IFT88: variants seen among roughly 807,000 people sequenced by gnomAD.
The protein encoded by IFT88 is intraflagellar transport 88.
In IFT88, 74 loss-of-function variants were observed where a neutral mutation model predicts 119.5. The ratio of observed to expected loss-of-function variants is 0.62; its 90% CI spans 0.51 to 0.75. IFT88 has a LOEUF of 0.75. Ranked by LOEUF, IFT88 falls within the 30% of genes least tolerant of loss-of-function variation. The pLI is 0.00. For synonymous variants in IFT88, 279 were observed against 316.7 expected (o/e 0.88, Z 1.26); for missense variants, 961 against 977.7 (o/e 0.98, Z 0.23).
intron 15 of IFT88, 129 bp from the exon 16 acceptor site, chr13:20,630,887 A>G: frequency 3.9e-6 from 2 of 518,114 alleles, no homozygotes; most frequent in Non-Finnish European, 7.0e-6. Flanking sequence ...GTTTTCTTGA[A>G]CATCTTAATC....
At position 20,643,565 on chromosome 13, in the gene IFT88, G is replaced by A. The variant is rs188470141; in HGVS notation, c.1793G>A (p.Arg598His). The A allele has an allele frequency of 1.2e-3, 1,919 of 1,608,470 alleles. 29 individuals are homozygous for A. The South Asian group carries it at 0.018, about 15-fold the overall frequency. ...VLSKLGELYD[R>H]EGDKSQAFQY... ...TCTAAGCTAGGAGAATTATATGATC[G>A]TGAAGGAGATAAATCTCAAGCATTT... Residue 598 changes from arginine (R) to histidine (H), a missense_variant, in exon 19 of 26, where the codon CGT becomes CAT. Transcript: ENST00000351808.
intron 20 of IFT88, among the ~76,000 whole-genome samples, chr13:20,646,121 A>ACAGT (rs2050713173): frequency 6.6e-6 from 1 of 152,086 alleles, no homozygotes; most frequent in Non-Finnish European, 1.5e-5. Context: ...ATGTTGATTA[A>ACAGT]CAGTCAGTCC....
intron 2 of IFT88, among the ~76,000 whole-genome samples, chr13:20,574,702 A>G (rs946311350): frequency 1.3e-5 from 2 of 152,234 alleles, no homozygotes; most frequent in Non-Finnish European, 2.9e-5. Flanking sequence ...GGTGAATTAT[A>G]TATACTTGTA....
rs866499171 is a variant in IFT88, at chr13:20,597,647, A to G, written c.594+528A>G. Among the ~76,000 whole-genome samples, 668 of 151,790 alleles carry G rather than the reference A, an allele frequency of 4.4e-3. 6 individuals carry two copies. Among genetic ancestry groups the G allele is most frequent in the African/African-American group, 8.5e-3 (353 of 41,448 alleles). ...TAGTCCCAGCTACTTGGGAGGCTGG[A>G]GCAGGAGAATGGCGTGAACCCGGGA... On this transcript the variant is annotated intron_variant, in intron 9 of 25. Transcript: ENST00000351808.
At chr13:20,662,736 T>C (rs2054021877) in intron 22 of IFT88, among the ~76,000 whole-genome samples, 1 of 146,764 alleles carries the variant, frequency 6.8e-6, no homozygotes, top group Admixed American at 6.7e-5. Context: ...AAAGACAAAA[T>C]TATTGTGTTT....
chr13:20,610,580 GA>G (rs202084557), intron 13 of IFT88, among the ~76,000 whole-genome samples: 292 of 135,696 alleles, frequency 2.2e-3, no homozygotes, highest in African/African-American at 3.3e-3. Flanking sequence ...GATGTTACTG[GA>G]AAAAAAAAAA....
chr13:20,578,838 C>A (rs568748047), intron 2 of IFT88, among the ~76,000 whole-genome samples: 1 of 152,166 alleles, frequency 6.6e-6, no homozygotes, highest in South Asian at 2.1e-4. Flanking sequence ...TGTGAGCCAC[C>A]GCATCCAGCC....
At chr13:20,630,440 T>C (rs948643818) in intron 15 of IFT88, among the ~76,000 whole-genome samples, 38 of 152,216 alleles carry the variant, frequency 2.5e-4, no homozygotes, top group Non-Finnish European at 1.5e-5. Flanking sequence ...CTAAGAATTA[T>C]TTTGTAAAGA....
intron 7 of IFT88, 91 bp downstream of exon 7, chr13:20,592,495 T>TC: frequency 3.9e-6 from 3 of 778,766 alleles, no homozygotes; most frequent in Non-Finnish European, 6.3e-6. Context: ...TTTGAGATGA[T>TC]ATCTCACTCT....
intron 13 of IFT88, chr13:20,614,409 T>C (rs538178979): frequency 6.6e-6 from 1 of 152,196 alleles, no homozygotes; most frequent in African/African-American, 2.4e-5. Flanking sequence ...AATATTGATA[T>C]ACGCAACAAA....
chr13:20,666,901 A>G (rs1224530042), intron 23 of IFT88, among the ~76,000 whole-genome samples: 4 of 152,364 alleles, frequency 2.6e-5, no homozygotes, highest in East Asian at 3.9e-4. Context: ...TTACAAATAT[A>G]TACAAACATA....
At chr13:20,615,002 AGACGGG>A (rs1255298901) in intron 13 of IFT88, among the ~76,000 whole-genome samples, 1 of 151,960 alleles carries the variant, frequency 6.6e-6, no homozygotes, top group Non-Finnish European at 1.5e-5. Context: ...TTTTTAGTAG[AGACGGG>A]GTTTCACCAT....
chr13:20,574,553 A>C, intron 2 of IFT88, 78 bp downstream of exon 2: 1 of 709,658 alleles, frequency 1.4e-6, no homozygotes, highest in Non-Finnish European at 2.4e-6. Context: ...TGAGAGTTCT[A>C]CTTTATTATG....
intron 23 of IFT88, among the ~76,000 whole-genome samples, chr13:20,669,134 A>G (rs1464135526): frequency 1.3e-5 from 2 of 152,200 alleles, no homozygotes; most frequent in African/African-American, 2.4e-5. Context: ...CATAGTTCCA[A>G]TGTGGCGTCA....
chr13:20,654,395 G>A (rs2052378426), intron 21 of IFT88, among the ~76,000 whole-genome samples: 1 of 152,134 alleles, frequency 6.6e-6, no homozygotes, highest in African/African-American at 2.4e-5. Flanking sequence ...TTTTGTTACT[G>A]CTTTTATTAA....
chr13:20,582,723 A>G (rs1366321779), intron 2 of IFT88, among the ~76,000 whole-genome samples: 1 of 152,186 alleles, frequency 6.6e-6, no homozygotes, highest in Non-Finnish European at 1.5e-5. Context: ...ACTGTAGCCA[A>G]TAAGATGTCC....
At position 20,596,171 on chromosome 13, in the gene IFT88, A is replaced by G. The variant is rs1457732944; in HGVS notation, c.420A>G (p.Gln140=). 1.9e-6 allele frequency: 3 copies of G among 1,539,110 alleles called. No homozygotes were observed. Among genetic ancestry groups the G allele is most frequent in the Non-Finnish European group, 2.6e-6 (3 of 1,132,436 alleles). ...KKDSPEEKIK[Q]LEKEVNELVE... is the part of the protein sequence containing the mutation. ...ATAGCCCAGAGGAAAAAATAAAGCA[A>G]TTAGAGAAGGAAGTAAATGAGTTGG... Residue 140 remains glutamine, a synonymous_variant, in exon 8 of 26, where the codon CAA becomes CAG. Coordinates refer to ENST00000351808, the MANE Select transcript of IFT88 (RefSeq NM_006531.5).
chr13:20,574,243 C>T, intron 1 of IFT88, 137 bp from the exon 2 acceptor site: 1 of 406,078 alleles, frequency 2.5e-6, no homozygotes, highest in South Asian at 6.5e-5. Flanking sequence ...TCACTTGTGC[C>T]AGAGAGATCA....
chr13:20,580,336 G>C (rs1270609841), intron 2 of IFT88, among the ~76,000 whole-genome samples: 1 of 152,082 alleles, frequency 6.6e-6, no homozygotes, highest in Non-Finnish European at 1.5e-5. Context: ...TGACCAACAT[G>C]GTGAAGTTCT....
Sources: allele counts gnomAD v4.1 joint callset (sites outside exome capture counted in the v4.1 genomes callset), GRCh38; gene constraint gnomAD v4.1.1; transcripts MANE v1.5; gene names NCBI Gene and HGNC (gene_info 2026-07-23, HGNC 2026-07-21).